The following MAEA variants were observed in gnomAD, a reference collection of about 807,000 sequenced individuals.
The protein encoded by MAEA is macrophage erythroblast attacher, E3 ubiquitin ligase, also known as E3 ubiquitin-protein transferase MAEA.
MAEA carries 22 observed loss-of-function variants against 46.2 expected under a neutral mutation model. The ratio of observed to expected loss-of-function variants is 0.48; its 90% CI spans 0.34 to 0.68. The LOEUF is 0.68. Among genes scored for constraint, MAEA ranks in the 30% least tolerant of loss-of-function variants. MAEA has a pLI of 0.01. For missense variants in MAEA, 393 were observed against 558.1 expected (o/e 0.70, Z 2.98); for synonymous variants, 246 against 222.6 (o/e 1.11, Z -0.94).
chr4:1,316,002 A>C (rs1246214025), intron 3 of MAEA, among the ~76,000 whole-genome samples: 4 of 150,174 alleles, frequency 2.7e-5, no homozygotes, highest in African/African-American at 4.9e-5. Flanking sequence ...AGCCTTCTGA[A>C]GGCAGGAAGT....
rs142517889 is a variant in MAEA at position 1,315,417 on chromosome 4, C to T, written c.273C>T (p.Ala91=). The T allele has an allele frequency of 4.1e-5, 66 of 1,613,756 alleles. No individual in the cohort carries two copies. In the Middle Eastern group the frequency reaches 4.9e-4, roughly 12 times the overall value. The change falls in exon 3 of 9, where the codon GCC becomes GCT. Residue 91 remains alanine, a synonymous_variant. Coordinates refer to ENST00000303400, the MANE Select transcript of MAEA (RefSeq NM_001017405.3). The part of the protein sequence containing the change: ...LKRKAVESIQ[A]EDESAKLCKR... ...CTCAGGCGGTGGAATCCATCCAGGC[C>T]GAGGACGAGAGCGCCAAGCTGTGCA... is the stretch of plus-strand genomic sequence containing the variant.
chr4:1,309,752 G>C, intron 1 of MAEA: 1 of 1,495,744 alleles, frequency 6.7e-7, no homozygotes, highest in Non-Finnish European at 8.9e-7. Flanking sequence ...TGCGTTCTGC[G>C]TAACCGTGGC....
intron 8 of MAEA, chr4:1,338,862 C>G: frequency 1.5e-6 from 1 of 649,996 alleles, no homozygotes. Flanking sequence ...TCCTCTCGCC[C>G]CACCCTGCCT....
chr4:1,294,040 G>A (rs1256122801), intron 1 of MAEA, among the ~76,000 whole-genome samples: 1 of 152,242 alleles, frequency 6.6e-6, no homozygotes, highest in East Asian at 1.9e-4. Flanking sequence ...TTGGACCCTG[G>A]TGATGCCGTG....
chr4:1,327,756 G>A (rs920894427), intron 5 of MAEA, 53 bp downstream of exon 5: 19 of 1,516,346 alleles, frequency 1.3e-5, no homozygotes, highest in Middle Eastern at 1.7e-4. Flanking sequence ...GTTCGGCTGC[G>A]GCCCCTGCCA....
At chr4:1,338,139 C>T (rs940938268) in intron 7 of MAEA, 2 of 406,438 alleles carry the variant, frequency 4.9e-6, no homozygotes, top group South Asian at 4.2e-5. Flanking sequence ...GGTTGCGTGG[C>T]CGGGGAGAGG....
intron 6 of MAEA, chr4:1,335,140 T>G: frequency 1.0e-6 from 1 of 985,454 alleles, no homozygotes; most frequent in Non-Finnish European, 1.2e-6. Flanking sequence ...TGAGGTTATT[T>G]AGGGACAGAC....
chr4:1,315,299 T>C, intron 2 of MAEA, 98 bp from the exon 3 acceptor site: 1 of 1,145,492 alleles, frequency 8.7e-7, no homozygotes, highest in East Asian at 2.4e-5. Flanking sequence ...CCTGCTTTTC[T>C]CCTTGTGAGT....
At chr4:1,304,912 T>C (rs771483003) in intron 1 of MAEA, among the ~76,000 whole-genome samples, 1 of 152,252 alleles carries the variant, frequency 6.6e-6, no homozygotes, top group Non-Finnish European at 1.5e-5. Context: ...TACAAATGTG[T>C]CTCACGCTAT....
chr4:1,336,265 G>A (rs186345588), intron 6 of MAEA, among the ~76,000 whole-genome samples: 4 of 151,882 alleles, frequency 2.6e-5, no homozygotes, highest in East Asian at 3.9e-4. Context: ...AAATCAGAGC[G>A]TTAAGTCAGC....
At chr4:1,297,128 C>T (rs930318875) in intron 1 of MAEA, among the ~76,000 whole-genome samples, 2 of 152,342 alleles carry the variant, frequency 1.3e-5, no homozygotes, top group South Asian at 4.1e-4. Flanking sequence ...GGCCTTGGGG[C>T]CCCAGACGAG....
intron 1 of MAEA, among the ~76,000 whole-genome samples, chr4:1,301,397 G>A (rs1314643739): frequency 6.6e-6 from 1 of 152,238 alleles, no homozygotes; most frequent in Non-Finnish European, 1.5e-5. Context: ...TACTGGAGGA[G>A]ATGTAATTTA....
At position 1,315,558 on chromosome 4, in the gene MAEA, C is replaced by T. The variant is rs773028748; in HGVS notation, c.414C>T (p.Tyr138=). The change falls in exon 3 of 9, where the codon TAC becomes TAT. Residue 138 remains tyrosine (Y), a synonymous_variant. Transcript: ENST00000303400. The part of the protein sequence containing the change: ...MMVEHLLRCG[Y]YNTAVKLARQ... Reference sequence around the variant, plus strand: ...TGGAGCACCTGCTGCGTTGCGGCTACTACAACACGGCTGTCAAGCTGGCGC... The same window carrying T: ...TGGAGCACCTGCTGCGTTGCGGCTATTACAACACGGCTGTCAAGCTGGCGC... 13 of 1,613,446 alleles carry T rather than the reference C, an allele frequency of 8.1e-6. No individual in the cohort carries two copies. The East Asian group carries it at 1.1e-4, about 14-fold the overall frequency.
At chr4:1,316,327 T>C (rs11727376) in intron 3 of MAEA, among the ~76,000 whole-genome samples, 73,200 of 139,142 alleles carry the variant, frequency 0.53, 17,826 homozygotes, top group African/African-American at 0.6. Flanking sequence ...TGTCCACTGC[T>C]GTGGGGGCCC....
chr4:1,309,248 C>G (rs913236248), intron 1 of MAEA, among the ~76,000 whole-genome samples: 8 of 152,208 alleles, frequency 5.3e-5, no homozygotes, highest in Admixed American at 2.0e-4. Context: ...TGTCCTCATT[C>G]TTGAGTGATA....
chr4:1,329,447 G>T, intron 5 of MAEA: 3 of 985,450 alleles, frequency 3.0e-6, no homozygotes, highest in Non-Finnish European at 3.6e-6. Flanking sequence ...TGTTGCAGGG[G>T]AGCAGGCAGG....
At chr4:1,312,303 C>T (rs559887219) in intron 2 of MAEA, 142 bp downstream of exon 2, 1 of 858,234 alleles carries the variant, frequency 1.2e-6, no homozygotes, top group Non-Finnish European at 1.8e-6. Context: ...TGTCTGCCTT[C>T]TGGGGCCACT....
chr4:1,324,056 AGT>A (rs1179184400), intron 4 of MAEA, among the ~76,000 whole-genome samples: 1 of 151,778 alleles, frequency 6.6e-6, no homozygotes, highest in Non-Finnish European at 1.5e-5. Flanking sequence ...CTGGTGGATC[AGT>A]GTGTCTGGTG....
At chr4:1,294,164 G>A (rs1171734737) in intron 1 of MAEA, among the ~76,000 whole-genome samples, 1 of 152,206 alleles carries the variant, frequency 6.6e-6, no homozygotes, top group Non-Finnish European at 1.5e-5. Context: ...AGAGCACAGT[G>A]GAAATTCCTT....
Sources: allele counts gnomAD v4.1 joint callset (sites outside exome capture counted in the v4.1 genomes callset), GRCh38; gene constraint gnomAD v4.1.1; transcripts MANE v1.5; gene names NCBI Gene and HGNC (gene_info 2026-07-23, HGNC 2026-07-21).